Variants in LOXL2 observed in about 807,000 individuals in gnomAD.
The protein encoded by LOXL2 is lysyl oxidase homolog 2.
A neutral mutation model predicts 93.0 loss-of-function variants in LOXL2; 70 were observed. The observed-to-expected ratio is 0.75, with a 90% CI of 0.62 to 0.92. The LOEUF is 0.92. Among genes scored for constraint, LOXL2 ranks in the 40% least tolerant of loss-of-function variants. The pLI is 0.00. For synonymous variants in LOXL2, 438 were observed against 413.2 expected (o/e 1.06, Z -0.73); for missense variants, 973 against 1,054.9 (o/e 0.92, Z 1.08).
At chr8:23,347,168 AACACACACACACACACAC>A (rs60464587) in intron 3 of LOXL2, among the ~76,000 whole-genome samples, 32,388 of 141,762 alleles carry the variant, frequency 0.23, 3,611 homozygotes, top group Admixed American at 0.33. Flanking sequence ...AACACACACA[AACACACACACACACACAC>A]ACACACACAC....
In LOXL2 at chr8:23,309,691, C is replaced by T. The variant is rs748453150; in HGVS notation, c.1857G>A (p.Ala619=). Residue 619 remains alanine, a synonymous_variant, in exon 10 of 14, where the codon GCG becomes GCA. Coordinates refer to ENST00000389131, the MANE Select transcript of LOXL2 (RefSeq NM_002318.3). ...ACCTGTGACAGTCGTGCCAGATCCA[C>T]GCGTGGCGGCCGTTCTTGGGCCGGA... ...SDFRPKNGRH[A]WIWHDCHRHY... is the part of the protein sequence containing the mutation. 10 of 1,522,162 alleles carry T rather than the reference C, an allele frequency of 6.6e-6. No homozygotes were observed. The highest frequency in any genetic ancestry group is 2.6e-5 in the South Asian group (2 of 78,104). 94.3% of individuals were successfully genotyped at this position (1,522,162 alleles called of 1,614,324 possible).
At chr8:23,341,553 T>C (rs1803883606) in intron 3 of LOXL2, 2 of 362,100 alleles carry the variant, frequency 5.5e-6, no homozygotes, top group South Asian at 2.8e-5. Context: ...TCGAAATAAA[T>C]GCACAGGAGA....
intron 10 of LOXL2, among the ~76,000 whole-genome samples, chr8:23,308,990 A>ATTT (rs67587130): frequency 6.6e-5 from 9 of 136,732 alleles, no homozygotes; most frequent in African/African-American, 1.7e-4. Context: ...ATATATATAT[A>ATTT]TTTTTTTTTT....
chr8:23,383,657 G>GTTT (rs968347697), intron 1 of LOXL2, among the ~76,000 whole-genome samples: 83 of 22,258 alleles, frequency 3.7e-3, no homozygotes, highest in African/African-American at 9.3e-3. Context: ...TTTTTTTTTT[G>GTTT]TTTTTTTTTT....
Position 23,328,551 on chromosome 8 carries a change from T to C in LOXL2, c.981A>G (p.Arg327=), listed in dbSNP as rs1351858495. ...CCCCGATGTAGGCACCGCCTCTCAG[T>C]CGCACCAGGGGTTGCTGAAGAGACA... The part of the protein sequence containing the change: ...KAYKPEQPLV[R]LRGGAYIGEG... The change falls in exon 6 of 14, where the codon CGA becomes CGG. Residue 327 remains arginine, a synonymous_variant. Coordinates refer to ENST00000389131, the MANE Select transcript of LOXL2 (RefSeq NM_002318.3). 2.5e-6 allele frequency: 4 copies of C among 1,613,986 alleles called. No homozygotes were observed. In the Admixed American group the frequency reaches 6.7e-5, roughly 27 times the overall value.
Position 23,392,794 on chromosome 8 carries a change from C to T in LOXL2, c.-84+11160G>A, listed in dbSNP as rs1299197119. Among the ~76,000 whole-genome samples, 4 of 152,276 alleles carry T rather than the reference C, an allele frequency of 2.6e-5. No homozygotes were observed. The East Asian group carries it at 5.8e-4, about 22-fold the overall frequency. On this transcript the variant is annotated intron_variant, in intron 1 of 13. Transcript: ENST00000389131. ...AACACCTACTCTTTAAGAATCGACT[C>T]ACGTGTGTGTATAAAACATCCTAAG...
chr8:23,344,114 G>A (rs1020435134), intron 3 of LOXL2, among the ~76,000 whole-genome samples: 12 of 152,130 alleles, frequency 7.9e-5, no homozygotes, highest in African/African-American at 1.9e-4. Flanking sequence ...AGCAGACCCC[G>A]CTGGAAAGAG....
chr8:23,401,585 G>A (rs766057124), intron 1 of LOXL2, among the ~76,000 whole-genome samples: 3 of 150,046 alleles, frequency 2.0e-5, no homozygotes, highest in African/African-American at 7.3e-5. Context: ...AGAAGCTTAT[G>A]AGGCATCATT....
chr8:23,394,396 G>GAA (rs1159727066), intron 1 of LOXL2, among the ~76,000 whole-genome samples: 86 of 64,272 alleles, frequency 1.3e-3, no homozygotes, highest in Admixed American at 2.1e-3. Flanking sequence ...CTGTCTCAGA[G>GAA]AAAAAAAAAA....
At chr8:23,399,163 C>T (rs902567245) in intron 1 of LOXL2, among the ~76,000 whole-genome samples, 2 of 152,196 alleles carry the variant, frequency 1.3e-5, no homozygotes, top group African/African-American at 4.8e-5. Flanking sequence ...AGAGTGGCCT[C>T]GGGCCACTTC....
At chr8:23,381,913 T>C (rs546167787) in intron 1 of LOXL2, among the ~76,000 whole-genome samples, 1 of 152,354 alleles carries the variant, frequency 6.6e-6, no homozygotes, top group African/African-American at 2.4e-5. Context: ...CAGTGCCTGG[T>C]GCACGTTAGC....
intron 7 of LOXL2, among the ~76,000 whole-genome samples, chr8:23,320,732 A>C (rs1803481509): frequency 6.6e-6 from 1 of 151,968 alleles, no homozygotes; most frequent in Non-Finnish European, 1.5e-5. Flanking sequence ...ACATAGTGAG[A>C]CCCCATCTCT....
At chr8:23,380,215 A>C (rs1804660894) in intron 1 of LOXL2, among the ~76,000 whole-genome samples, 1 of 152,108 alleles carries the variant, frequency 6.6e-6, no homozygotes, top group Admixed American at 6.5e-5. Flanking sequence ...CAACATGGTG[A>C]AACTCCATCT....
chr8:23,325,119 A>C (rs910850937), intron 6 of LOXL2, among the ~76,000 whole-genome samples: 18 of 152,210 alleles, frequency 1.2e-4, no homozygotes, highest in African/African-American at 4.1e-4. Context: ...CTGGATTTCA[A>C]AGACTTAGCA....
At position 23,302,013 on chromosome 8, in the gene LOXL2, C is replaced by G; in HGVS notation, c.2133+14G>C. 6.2e-7 allele frequency: 1 copy of G among 1,613,516 alleles called. No homozygotes were observed. Among genetic ancestry groups the G allele is most frequent in the Non-Finnish European group, 8.5e-7 (1 of 1,179,506 alleles). ...TCCCCCTGCAGGGCTGGAACCCCTT[C>G]CCACCCACCTCACCTGGAACAGGTA... On this transcript the variant is annotated intron_variant, in intron 12 of 13. Transcript: ENST00000389131.
At chr8:23,328,353 AG>A (rs1803618619) in intron 6 of LOXL2, 28 bp downstream of exon 6, 12 of 1,608,352 alleles carry the variant, frequency 7.5e-6, no homozygotes, top group Non-Finnish European at 1.0e-5. Context: ...CCAGGAAGAG[AG>A]GCCCCCTCTA....
chr8:23,328,716 T>A, intron 5 of LOXL2, 151 bp from the exon 6 acceptor site: 1 of 608,778 alleles, frequency 1.6e-6, no homozygotes, highest in Admixed American at 2.6e-5. Context: ...TGGATGTGTG[T>A]GTGTGTGTGT....
chr8:23,345,728 C>CTT (rs11458693), intron 3 of LOXL2, among the ~76,000 whole-genome samples: 46 of 151,872 alleles, frequency 3.0e-4, no homozygotes, highest in African/African-American at 1.0e-3. Flanking sequence ...TATACACACA[C>CTT]TTTTTTTTCT....
intron 1 of LOXL2, among the ~76,000 whole-genome samples, chr8:23,401,505 A>T (rs1585387658): frequency 6.6e-6 from 1 of 152,202 alleles, no homozygotes; most frequent in African/African-American, 2.4e-5. Context: ...ATTTGCTTTA[A>T]ACTACTTCAA....
Sources: gnomAD v4.1 joint callset for allele counts (sites outside exome capture counted in the v4.1 genomes callset) on GRCh38, gnomAD v4.1.1 for gene constraint, MANE v1.5 for transcripts, NCBI Gene and HGNC (gene_info 2026-07-23, HGNC 2026-07-21) for gene names.